Variants in KNTC1 observed in about 807,000 individuals in gnomAD.
The protein encoded by KNTC1 is kinetochore-associated protein 1.
Under a neutral mutation model 314.4 loss-of-function variants are expected in KNTC1, and 253 were observed. That is an observed-to-expected ratio of 0.80 (90% CI 0.73 to 0.89). The LOEUF (loss-of-function observed/expected upper bound fraction) is 0.89. Among genes scored for constraint, KNTC1 ranks in the 40% least tolerant of loss-of-function variants. KNTC1 has a pLI of 0.00. For missense variants in KNTC1, 2,475 were observed against 2,572.9 expected, an observed-to-expected ratio of 0.96 and a Z score of 0.82; for synonymous variants, 901 against 901.4, an observed-to-expected ratio of 1.00 and a Z score of 0.01.
Position 122,602,870 on chromosome 12 carries a change from A to C in KNTC1, c.4867A>C (p.Ile1623Leu). 6.2e-7 allele frequency: 1 copy of C among 1,609,724 alleles called. No individual in the cohort carries two copies. Among genetic ancestry groups the C allele is most frequent in the South Asian group, 1.1e-5 (1 of 90,908 alleles). Residue 1623 changes from isoleucine (I) to leucine (L), a missense_variant, in exon 47 of 64, where the codon ATT becomes CTT. Ile to Leu is a conservative substitution (Grantham distance 5, BLOSUM62 2). Transcript: ENST00000333479. Reference protein sequence around the residue: ...SEESFPTLLLISKLMKFSLDT... With the variant: ...SEESFPTLLLLSKLMKFSLDT... ...AGAATCTTTCCCAACATTGCTCTTA[A>C]TTTCGAAATTAATGAAGGTAATGGA... is the stretch of plus-strand genomic sequence containing the variant.
intron 10 of KNTC1, among the ~76,000 whole-genome samples, chr12:122,547,151 A>G (rs1962836814): frequency 6.6e-6 from 1 of 151,984 alleles, no homozygotes; most frequent in African/African-American, 2.4e-5. Context: ...TAAATTTTTA[A>G]TCATTAAGAA....
chr12:122,569,772 G>C lies in KNTC1; in HGVS notation c.1808G>C (p.Trp603Ser). 1 of 1,613,728 alleles carries C rather than the reference G, an allele frequency of 6.2e-7. No individual in the cohort carries two copies. Among genetic ancestry groups the C allele is most frequent in the Non-Finnish European group, 8.5e-7 (1 of 1,179,776 alleles). The change falls in exon 22 of 64, where the codon TGG becomes TCG. Residue 603 changes from tryptophan (W) to serine (S), a missense_variant. Transcript: ENST00000333479. The part of the protein sequence containing the change: ...ASVSLQKLCP[W>S]FKNDVIPFVR... ...GTCTCTTTGCAAAAGCTGTGTCCAT[G>C]GTTTAAAAATGATGTGATTCCATTT...
chr12:122,532,017 G>A (rs1292139068), intron 2 of KNTC1, among the ~76,000 whole-genome samples: 5 of 148,182 alleles, frequency 3.4e-5, no homozygotes, highest in Admixed American at 1.4e-4. Flanking sequence ...ACAGGCTTGA[G>A]CCACCGCACC....
At chr12:122,595,997 A>T (rs889294158) in intron 43 of KNTC1, among the ~76,000 whole-genome samples, 1 of 151,998 alleles carries the variant, frequency 6.6e-6, no homozygotes, top group African/African-American at 2.4e-5. Context: ...GTTATGCTGT[A>T]TAGCAAATTA....
At position 122,575,827 on chromosome 12, in the gene KNTC1, A is replaced by T. The variant is rs1007792770; in HGVS notation, c.2514A>T (p.Lys838Asn). ...TCAAGTTATTACAGGAAAGTTACAA[A>T]CTAATGGAGATGAAAAAACTTTTAC... ...PKVKLLQESY[K>N]LMEMKKLLRG... The change falls in exon 29 of 64, where the codon AAA becomes AAT. Residue 838 changes from lysine to asparagine, a missense_variant. Lys to Asn is a moderately conservative substitution (Grantham distance 94, BLOSUM62 0). Transcript: ENST00000333479. 6.2e-7 allele frequency: 1 copy of T among 1,613,240 alleles called. No individual in the cohort carries two copies. Among genetic ancestry groups the T allele is most frequent in the Admixed American group, 1.7e-5 (1 of 59,846 alleles).
At chr12:122,599,647 A>T (rs944293678) in intron 44 of KNTC1, among the ~76,000 whole-genome samples, 1 of 152,154 alleles carries the variant, frequency 6.6e-6, no homozygotes, top group Non-Finnish European at 1.5e-5. Context: ...CACTGTGCCC[A>T]GCCTGGAAAT....
At chr12:122,590,560 G>T in intron 40 of KNTC1, 47 bp from the exon 41 acceptor site, 1 of 1,550,388 alleles carries the variant, frequency 6.4e-7, no homozygotes, top group Non-Finnish European at 8.8e-7. Flanking sequence ...AGTTAATTCT[G>T]TTTTGATTGT....
chr12:122,575,063 C>A (rs1964925948), intron 27 of KNTC1, among the ~76,000 whole-genome samples: 1 of 152,138 alleles, frequency 6.6e-6, no homozygotes, highest in Non-Finnish European at 1.5e-5. Context: ...GAATTTGAGA[C>A]CTGCCTGGGC....
At chr12:122,612,666 C>A (rs1873302829) in intron 53 of KNTC1, among the ~76,000 whole-genome samples, 1 of 152,116 alleles carries the variant, frequency 6.6e-6, no homozygotes, top group South Asian at 2.1e-4. Context: ...GATCCACCCG[C>A]CTCGGCCTCC....
chr12:122,544,810 C>T (rs973192015), intron 8 of KNTC1, among the ~76,000 whole-genome samples: 1 of 152,072 alleles, frequency 6.6e-6, no homozygotes, highest in African/African-American at 2.4e-5. Flanking sequence ...AAATTTTTTG[C>T]CCATCCAGCT....
chr12:122,579,099 C>G (rs920088401), intron 31 of KNTC1, among the ~76,000 whole-genome samples: 3 of 109,664 alleles, frequency 2.7e-5, no homozygotes, highest in African/African-American at 7.2e-5. Context: ...GAGTCTCGCT[C>G]TGTCGCCCAG....
chr12:122,625,764 A>G (rs1232018235), intron 63 of KNTC1, among the ~76,000 whole-genome samples: 1 of 152,144 alleles, frequency 6.6e-6, no homozygotes, highest in East Asian at 1.9e-4. Flanking sequence ...TTTTACTCCC[A>G]TTTTGAACTT....
rs148550425 is a variant in KNTC1 at position 122,556,075 on chromosome 12, C to T, written c.1273-1309C>T. Among the ~76,000 whole-genome samples, 406 of 151,744 alleles carry T rather than the reference C, an allele frequency of 2.7e-3. 2 individuals are homozygous for T. The highest frequency in any genetic ancestry group is 8.8e-3 in the African/African-American group (366 of 41,362). ...TCTCCCAAACTGGGGTGCAGTGGCG[C>T]GATTTTGGCTCACTACAACCTCCAC... On this transcript the variant is annotated intron_variant, in intron 16 of 63. Transcript: ENST00000333479.
chr12:122,622,096 T>G (rs1024282156), intron 61 of KNTC1, 126 bp downstream of exon 61: 3 of 762,928 alleles, frequency 3.9e-6, no homozygotes, highest in Non-Finnish European at 6.5e-6. Flanking sequence ...AGAATTATTT[T>G]GCTTTTACTA....
chr12:122,577,616 A>G, intron 30 of KNTC1, 56 bp from the exon 31 acceptor site: 1 of 1,557,608 alleles, frequency 6.4e-7, no homozygotes, highest in Non-Finnish European at 8.7e-7. Flanking sequence ...AGGTAAGGCC[A>G]CACCGTCCTT....
In KNTC1 at chr12:122,576,896, G is replaced by A; in HGVS notation, c.2588G>A (p.Arg863Lys). ...EVNLLNKEIM[R>K]VVRYILKQDV... ...AAATGTTCATATTGTCTTTTGCAGA[G>A]AGTGGTTAGATACATTCTCAAACAA... Residue 863 changes from arginine to lysine, a missense_variant and splice_region_variant, in exon 30 of 64, where the codon AGA (arginine) becomes AAA (lysine). Coordinates refer to ENST00000333479, the MANE Select transcript of KNTC1 (RefSeq NM_014708.6). The A allele has an allele frequency of 6.4e-7, 1 of 1,566,522 alleles. No homozygotes were observed.
chr12:122,609,293 GT>G (rs1872860082), intron 51 of KNTC1, 90 bp from the exon 52 acceptor site: 5 of 793,818 alleles, frequency 6.3e-6, no homozygotes, highest in South Asian at 3.3e-5. Flanking sequence ...CGTATATTAG[GT>G]TTTTTATCTA....
chr12:122,591,236 G>T, intron 41 of KNTC1, 101 bp from the exon 42 acceptor site: 1 of 749,624 alleles, frequency 1.3e-6, no homozygotes, highest in South Asian at 1.5e-5. Flanking sequence ...CTACACGGTT[G>T]ATCACAAAGT....
chr12:122,609,325 A>G, intron 51 of KNTC1, 59 bp from the exon 52 acceptor site: 1 of 960,900 alleles, frequency 1.0e-6, no homozygotes, highest in Non-Finnish European at 1.6e-6. Context: ...AGAGAGATGA[A>G]TGTTTGTTTA....
Sources: gnomAD v4.1 joint callset for allele counts (sites outside exome capture counted in the v4.1 genomes callset) on GRCh38, gnomAD v4.1.1 for gene constraint, MANE v1.5 for transcripts, NCBI Gene and HGNC (gene_info 2026-07-23, HGNC 2026-07-21) for gene names.